The following PTPN13 variants were observed in gnomAD, a reference collection of about 807,000 sequenced individuals.
PTPN13 encodes the protein tyrosine-protein phosphatase non-receptor type 13.
A neutral mutation model predicts 284.0 loss-of-function variants in PTPN13; 191 were observed. That is an observed-to-expected ratio of 0.67 (90% CI 0.60 to 0.76). The LOEUF is 0.76. PTPN13 is among the 30% of genes least tolerant of loss of function. The probability of loss-of-function intolerance (pLI) is 0.00; values close to 1 mark genes in which losing one functional copy is unlikely to be tolerated. For synonymous variants in PTPN13, 986 were observed against 1,022.3 expected, an observed-to-expected ratio of 0.96 and a Z score of 0.68; for missense variants, 2,797 against 2,939.9, an observed-to-expected ratio of 0.95 and a Z score of 1.12.
rs753076514 is a variant in PTPN13 at position 86,771,306 on chromosome 4, T to C, written c.4939T>C (p.Ser1647Pro). The part of the protein sequence containing the change: ...DKSKKQCKSP[S>P]RRDSYSDSSG... ...AAGCAAAAAACAGTGCAAGTCCCCA[T>C]CCAGAAGAGACAGTTACAGTGACAG... Residue 1647 changes from serine (S) to proline (P), a missense_variant, in exon 31 of 48, where the codon TCC (serine) becomes CCC (proline). Transcript: ENST00000411767. 1.2e-5 allele frequency: 20 copies of C among 1,601,954 alleles called. 1 individual carries two copies. The Middle Eastern group carries it at 8.3e-4, about 66-fold the overall frequency.
Position 86,689,605 on chromosome 4 carries a change from G to C in PTPN13, c.546+415G>C, listed in dbSNP as rs1160349581. 5.7e-6 allele frequency: 4 copies of C among 700,698 alleles called. No homozygotes were observed. The Admixed American group carries it at 6.0e-5, about 11-fold the overall frequency. The allele number at this position is 700,698 out of a possible 1,614,324, so 43.4% of individuals were successfully genotyped here. A position where few individuals can be genotyped will look rare whatever the true frequency, so the allele number is the denominator to read the frequency against. ...ATACCTGTTTCGTGACCACTCATTT[G>C]TCTGGATCTTCTAGGTATTTCCCAA... is the stretch of plus-strand genomic sequence containing the variant. On this transcript the variant is annotated intron_variant, in intron 5 of 47. Coordinates refer to ENST00000411767, the MANE Select transcript of PTPN13 (RefSeq NM_080683.3).
intron 38 of PTPN13, among the ~76,000 whole-genome samples, chr4:86,784,798 AT>A (rs769299304): frequency 6.6e-6 from 1 of 152,092 alleles, no homozygotes; most frequent in Non-Finnish European, 1.5e-5. Flanking sequence ...TGTTTCTTGT[AT>A]TTTGTGAAGT....
At chr4:86,768,064 G>A (rs1357327782) in intron 28 of PTPN13, 88 bp downstream of exon 28, 1 of 1,218,442 alleles carries the variant, frequency 8.2e-7, no homozygotes, top group Non-Finnish European at 1.1e-6. Context: ...TACAGTTAAT[G>A]CCCTAGTTTT....
intron 23 of PTPN13, among the ~76,000 whole-genome samples, chr4:86,761,986 G>T (rs1191283052): frequency 2.0e-5 from 3 of 151,950 alleles, no homozygotes; most frequent in Non-Finnish European, 4.4e-5. Context: ...TTGTTTGTTT[G>T]TTCTTTGAGA....
Position 86,759,029 on chromosome 4 carries a change from A to C in PTPN13, c.3509A>C (p.Asp1170Ala). Residue 1170 changes from aspartate to alanine, a missense_variant, in exon 23 of 48, where the codon GAT becomes GCT. Coordinates refer to ENST00000411767, the MANE Select transcript of PTPN13 (RefSeq NM_080683.3). ...AIEILQNAPE[D>A]VTLVISQPKE... ...GAAATTTTGCAAAATGCACCTGAAGATGTGACACTTGTTATCTCTCAGCCA... is the reference window on the plus strand; with the variant it reads ...GAAATTTTGCAAAATGCACCTGAAGCTGTGACACTTGTTATCTCTCAGCCA... 1 of 1,613,680 alleles carries C rather than the reference A, an allele frequency of 6.2e-7. No homozygotes were observed. The highest frequency in any genetic ancestry group is 8.5e-7 in the Non-Finnish European group (1 of 1,179,700).
At chr4:86,795,569 A>G (rs1185232144) in intron 40 of PTPN13, among the ~76,000 whole-genome samples, 2 of 152,196 alleles carry the variant, frequency 1.3e-5, no homozygotes, top group African/African-American at 2.4e-5. Flanking sequence ...AAATCACGCT[A>G]CCATAAAGAC....
At chr4:86,608,081 G>A (rs1764951968) in intron 1 of PTPN13, among the ~76,000 whole-genome samples, 1 of 151,958 alleles carries the variant, frequency 6.6e-6, no homozygotes, top group Non-Finnish European at 1.5e-5. Flanking sequence ...ATGGAAATAT[G>A]TTAAATAGAT....
chr4:86,598,832 A>C (rs1764050060), intron 1 of PTPN13, among the ~76,000 whole-genome samples: 1 of 152,102 alleles, frequency 6.6e-6, no homozygotes, highest in African/African-American at 2.4e-5. Flanking sequence ...TGGTGTGATC[A>C]TAGCTCACTG....
intron 3 of PTPN13, among the ~76,000 whole-genome samples, chr4:86,674,385 A>G (rs898085371): frequency 2.2e-4 from 33 of 152,312 alleles, no homozygotes; most frequent in East Asian, 9.6e-4. Flanking sequence ...TTAAACTTCA[A>G]TATACATTGT....
intron 2 of PTPN13, among the ~76,000 whole-genome samples, chr4:86,669,282 G>GATGT (rs1554303088): frequency 2.2e-5 from 1 of 45,818 alleles, no homozygotes; most frequent in Non-Finnish European, 4.3e-5. Context: ...TTGGGAAGAA[G>GATGT]ATGTATATAT....
Position 86,728,616 on chromosome 4 carries a change from A to G in PTPN13, c.1609-3784A>G, listed in dbSNP as rs1318785268. 2.9e-5 allele frequency among the ~76,000 whole-genome samples: 3 copies of G among 104,424 alleles called. 1 individual carries two copies. The highest frequency in any genetic ancestry group is 5.9e-5 in the Non-Finnish European group (3 of 50,862). 68.5% of individuals were successfully genotyped at this position (104,424 alleles called of 152,430 possible). A position where few individuals can be genotyped will look rare whatever the true frequency, so the allele number is the denominator to read the frequency against. ...TCTTTGTTGGTTTACAGTTTGTTTC[A>G]TCAGAGACTAGGATTGCAACCCCTG... is the stretch of plus-strand genomic sequence containing the variant. On this transcript the variant is annotated intron_variant, in intron 10 of 47. Coordinates refer to ENST00000411767, the MANE Select transcript of PTPN13 (RefSeq NM_080683.3).
chr4:86,771,577 T>C (rs751887113), intron 31 of PTPN13, 42 bp downstream of exon 31: 16 of 1,500,076 alleles, frequency 1.1e-5, no homozygotes, highest in African/African-American at 2.8e-5. Flanking sequence ...CAACTGGTTG[T>C]TGTTAGTAGC....
chr4:86,766,591 A>C, intron 27 of PTPN13, 74 bp downstream of exon 27: 5 of 1,063,276 alleles, frequency 4.7e-6, no homozygotes, highest in South Asian at 1.8e-5. Flanking sequence ...ATCAGTTCTC[A>C]TTGAGATCTC....
Position 86,758,911 on chromosome 4 carries a change from G to A in PTPN13, c.3422-31G>A, listed in dbSNP as rs759104038. Reference sequence around the variant, plus strand: ...GATTCAGAATAAATGTATCTTTGTTGTTGAAAATACTGGATTGTCTATTTG... The same window carrying A: ...GATTCAGAATAAATGTATCTTTGTTATTGAAAATACTGGATTGTCTATTTG... On this transcript the variant is annotated intron_variant, in intron 22 of 47. Transcript: ENST00000411767. 1.0e-5 allele frequency: 16 copies of A among 1,600,866 alleles called. No homozygotes were observed. The South Asian group carries it at 1.8e-4, about 18-fold the overall frequency.
rs1476883686 is a variant in PTPN13 at position 86,730,276 on chromosome 4, A to G, written c.1609-2124A>G. 5.3e-5 allele frequency among the ~76,000 whole-genome samples: 8 copies of G among 149,686 alleles called. 2 individuals carry two copies. The highest frequency in any genetic ancestry group is 1.9e-4 in the African/African-American group (8 of 41,090). On this transcript the variant is annotated intron_variant, in intron 10 of 47. Coordinates refer to ENST00000411767, the MANE Select transcript of PTPN13 (RefSeq NM_080683.3). ...GGGAGGTGTCTCCCAGTTAGGCTAC[A>G]GGGGTCATGGACCCATTCTCAGAGC...
chr4:86,741,894 C>T, intron 16 of PTPN13, 78 bp downstream of exon 16: 1 of 1,265,442 alleles, frequency 7.9e-7, no homozygotes, highest in East Asian at 2.5e-5. Context: ...AACAGACTTT[C>T]CTTAGACTCT....
At chr4:86,625,521 C>A (rs1048113301) in intron 1 of PTPN13, among the ~76,000 whole-genome samples, 1 of 151,832 alleles carries the variant, frequency 6.6e-6, no homozygotes, top group Non-Finnish European at 1.5e-5. Flanking sequence ...TTGATTTATC[C>A]TCTCACCTGC....
chr4:86,668,794 A>G (rs1273578352), intron 2 of PTPN13, among the ~76,000 whole-genome samples: 3 of 127,684 alleles, frequency 2.3e-5, no homozygotes, highest in African/African-American at 6.0e-5. Context: ...TTTAGTAGAG[A>G]CGGGGTTTCT....
In PTPN13 at chr4:86,717,100, C is replaced by G. The variant is rs776775557; in HGVS notation, c.1368C>G (p.Gly456=). The part of the protein sequence containing the change: ...LPGVDETLSQ[G]QSQRPSRQYE... ...GGGTAGATGAAACCTTAAGTCAAGG[C>G]CAGTCACAGAGACCGAGGTATGTCA... The change falls in exon 9 of 48, where the codon GGC becomes GGG. Residue 456 remains glycine (G), a synonymous_variant. Transcript: ENST00000411767. The G allele has an allele frequency of 1.3e-5, 21 of 1,611,256 alleles. No homozygotes were observed. Among genetic ancestry groups the G allele is most frequent in the Non-Finnish European group, 1.8e-5 (21 of 1,178,416 alleles).
Sources: allele counts gnomAD v4.1 joint callset (sites outside exome capture counted in the v4.1 genomes callset), GRCh38; gene constraint gnomAD v4.1.1; transcripts MANE v1.5; gene names NCBI Gene and HGNC (gene_info 2026-07-23, HGNC 2026-07-21).